Variants in FAM13C observed in about 807,000 individuals in gnomAD.
FAM13C encodes protein FAM13C.
FAM13C carries 37 observed loss-of-function variants against 73.2 expected under a neutral mutation model. That is an observed-to-expected ratio of 0.51 (90% CI 0.39 to 0.67). The LOEUF (loss-of-function observed/expected upper bound fraction) is 0.67, where lower values mean the gene tolerates loss of function less well. Among genes scored for constraint, FAM13C ranks in the 30% least tolerant of loss-of-function variants. The pLI, the probability that FAM13C is intolerant of heterozygous loss-of-function variation, is 0.00. For synonymous variants in FAM13C, 246 were observed against 260.9 expected (o/e 0.94, Z 0.55); for missense variants, 589 against 715.6 (o/e 0.82, Z 2.02).
At chr10:59,340,822 T>TAA (rs1430071298) in intron 3 of FAM13C, among the ~76,000 whole-genome samples, 7 of 151,498 alleles carry the variant, frequency 4.6e-5, no homozygotes, top group African/African-American at 1.5e-4. Context: ...TTGCCATTAC[T>TAA]TGGCAAAAAC....
Position 59,324,052 on chromosome 10 carries a change from G to C in FAM13C, c.379C>G (p.Pro127Ala), listed in dbSNP as rs745910965. 1.9e-6 allele frequency: 3 copies of C among 1,614,074 alleles called. No homozygotes were observed. The East Asian group carries it at 6.7e-5, about 36-fold the overall frequency. ...QSECQVRAGT[P>A]AHESPQNNAF... ...TTGTTTTGTGGACTCTCATGAGCTG[G>C]TGTTCCTGCTCTCACCTGACACTCT... Residue 127 changes from proline to alanine, a missense_variant, in exon 4 of 14, where the codon CCA becomes GCA. Coordinates refer to ENST00000618804, the MANE Select transcript of FAM13C (RefSeq NM_198215.4).
intron 3 of FAM13C, among the ~76,000 whole-genome samples, chr10:59,351,614 G>T (rs561661938): frequency 6.6e-6 from 1 of 152,144 alleles, no homozygotes; most frequent in East Asian, 1.9e-4. Flanking sequence ...GAATCCCCAC[G>T]TCTGAGGCAC....
intron 5 of FAM13C, among the ~76,000 whole-genome samples, chr10:59,295,406 A>C (rs999426676): frequency 7.9e-5 from 12 of 152,338 alleles, no homozygotes; most frequent in African/African-American, 2.2e-4. Context: ...ATAAAGGGTG[A>C]GGAGGGGGAG....
At chr10:59,270,368 C>T in intron 6 of FAM13C, 1 of 409,158 alleles carries the variant, frequency 2.4e-6, no homozygotes, top group East Asian at 4.3e-5. Context: ...CAACCCCAAA[C>T]TACAAAACAA....
At chr10:59,249,421 A>AG (rs916247736) in intron 13 of FAM13C, among the ~76,000 whole-genome samples, 2 of 150,882 alleles carry the variant, frequency 1.3e-5, no homozygotes, top group African/African-American at 4.9e-5. Flanking sequence ...AAAAAAAAAA[A>AG]AAAAAAAAAG....
intron 11 of FAM13C, 46 bp downstream of exon 11, chr10:59,254,302 A>C: frequency 7.8e-7 from 1 of 1,276,166 alleles, no homozygotes; most frequent in Non-Finnish European, 1.1e-6. Context: ...CATCCTGTTA[A>C]CTACACATCA....
chr10:59,346,548 C>G (rs1026200470), intron 3 of FAM13C, among the ~76,000 whole-genome samples: 4 of 152,152 alleles, frequency 2.6e-5, no homozygotes, highest in Admixed American at 2.6e-4. Context: ...TATATAGCCT[C>G]CTACTTTTTG....
intron 5 of FAM13C, chr10:59,296,755 T>G (rs192393942): frequency 6.6e-6 from 1 of 152,224 alleles, no homozygotes; most frequent in Non-Finnish European, 1.5e-5. Flanking sequence ...CAAGTCTGAA[T>G]CCATGCTCAT....
intron 6 of FAM13C, among the ~76,000 whole-genome samples, chr10:59,281,227 A>G (rs552030660): frequency 2.0e-5 from 3 of 152,308 alleles, no homozygotes; most frequent in Admixed American, 2.0e-4. Context: ...TAAGGTGTCC[A>G]AAGATCATTC....
intron 1 of FAM13C, 39 bp downstream of exon 1, chr10:59,362,360 A>G: frequency 3.1e-6 from 5 of 1,608,302 alleles, no homozygotes; most frequent in Non-Finnish European, 4.2e-6. Flanking sequence ...TTCCAGAGAA[A>G]GGCATGCAAG....
chr10:59,323,783 G>C (rs149865659), intron 4 of FAM13C, among the ~76,000 whole-genome samples: 1 of 152,264 alleles, frequency 6.6e-6, no homozygotes, highest in East Asian at 1.9e-4. Context: ...TTTTCAAATG[G>C]AAGACAGAGA....
At chr10:59,295,629 T>C (rs543350196) in intron 5 of FAM13C, among the ~76,000 whole-genome samples, 3 of 152,130 alleles carry the variant, frequency 2.0e-5, no homozygotes, top group South Asian at 2.1e-4. Flanking sequence ...CCCAGTTGAG[T>C]CCACCCACAT....
intron 1 of FAM13C, 137 bp from the exon 2 acceptor site, chr10:59,356,080 T>C (rs1012088512): frequency 1.3e-6 from 1 of 793,750 alleles, no homozygotes; most frequent in African/African-American, 1.7e-5. Context: ...CCCAAATAAG[T>C]TCTGATTCCT....
chr10:59,302,734 G>A (rs1040001948), intron 5 of FAM13C, 67 bp downstream of exon 5: 4 of 1,464,002 alleles, frequency 2.7e-6, no homozygotes, highest in Admixed American at 3.4e-5. Context: ...CTAGTACTGT[G>A]AAAAAGAATA....
chr10:59,322,622 A>G (rs1850470612), intron 4 of FAM13C, among the ~76,000 whole-genome samples: 1 of 152,158 alleles, frequency 6.6e-6, no homozygotes, highest in South Asian at 2.1e-4. Context: ...ATCTACCCCT[A>G]CAGGACCACC....
At chr10:59,335,179 T>A (rs1852555097) in intron 3 of FAM13C, among the ~76,000 whole-genome samples, 1 of 152,194 alleles carries the variant, frequency 6.6e-6, no homozygotes, top group African/African-American at 2.4e-5. Flanking sequence ...AATCAGACTC[T>A]TCAGCCACAA....
intron 6 of FAM13C, among the ~76,000 whole-genome samples, chr10:59,273,668 G>A (rs1843979813): frequency 6.6e-6 from 1 of 152,044 alleles, no homozygotes; most frequent in African/African-American, 2.4e-5. Context: ...GGGAGAGTTT[G>A]ACCAGTGCTT....
intron 1 of FAM13C, chr10:59,361,066 C>G: frequency 5.4e-6 from 7 of 1,289,266 alleles, no homozygotes; most frequent in Non-Finnish European, 7.1e-6. Context: ...CATCTTCGGC[C>G]TGCAGATGCA....
At chr10:59,303,231 T>C (rs1847805759) in intron 4 of FAM13C, among the ~76,000 whole-genome samples, 2 of 152,282 alleles carry the variant, frequency 1.3e-5, no homozygotes, top group African/African-American at 4.8e-5. Context: ...CTTATCACCA[T>C]GTATGCATCG....
Sources: gnomAD v4.1 joint callset for allele counts (sites outside exome capture counted in the v4.1 genomes callset) on GRCh38, gnomAD v4.1.1 for gene constraint, MANE v1.5 for transcripts, NCBI Gene and HGNC (gene_info 2026-07-23, HGNC 2026-07-21) for gene names.